Variants in MRPL12 observed in about 807,000 individuals in gnomAD.
The protein encoded by MRPL12 is mitochondrial ribosomal protein L12, also known as large ribosomal subunit protein bL12m.
In MRPL12, 13 loss-of-function variants were observed where a neutral mutation model predicts 21.1. That is an observed-to-expected ratio of 0.62 (90% CI 0.40 to 0.98). The LOEUF (loss-of-function observed/expected upper bound fraction) is 0.98. MRPL12 is among the 50% of genes least tolerant of loss of function. MRPL12 has a pLI of 0.00. For synonymous variants in MRPL12, 126 were observed against 115.3 expected (o/e 1.09, Z -0.60); for missense variants, 251 against 268.6 (o/e 0.93, Z 0.46).
At chr17:81,706,790 C>G in intron 3 of MRPL12, 116 bp from the exon 4 acceptor site, 2 of 1,287,342 alleles carry the variant, frequency 1.6e-6, no homozygotes, top group South Asian at 3.0e-5. Flanking sequence ...CCAGGCTTCG[C>G]TGGGGCCTCC....
In MRPL12 at chr17:81,703,411, T is replaced by G; in HGVS notation, c.-91T>G. On this transcript the variant is annotated 5_prime_UTR_variant, in exon 1 of 5. Coordinates refer to ENST00000333676, the MANE Select transcript of MRPL12 (RefSeq NM_002949.4). ...CCCGGCAGCCGTGGCGGCTAGAGCG[T>G]TCCTCCCCAGCTCGAATGCCCGGCG... 1 of 1,135,500 alleles carries G rather than the reference T, an allele frequency of 8.8e-7. No individual in the cohort carries two copies. The highest frequency in any genetic ancestry group is 1.2e-6 in the Non-Finnish European group (1 of 833,952). The allele number at this position is 1,135,500 out of a possible 1,614,324, so 70.3% of individuals were successfully genotyped here.
chr17:81,704,888 C>T (rs2037298313), intron 3 of MRPL12, among the ~76,000 whole-genome samples, 172 bp downstream of exon 3: 1 of 152,230 alleles, frequency 6.6e-6, no homozygotes, highest in African/African-American at 2.4e-5. Flanking sequence ...ATGTGCACGA[C>T]TTTGCATGTG....
At chr17:81,704,604 G>T (rs1010079546) in intron 2 of MRPL12, 29 bp from the exon 3 acceptor site, 1 of 1,612,414 alleles carries the variant, frequency 6.2e-7, no homozygotes, top group African/African-American at 1.3e-5. Flanking sequence ...GTGAGGGCCA[G>T]CTGTGGACAC....
Position 81,704,269 on chromosome 17 carries a change from G to T in MRPL12, c.100G>T (p.Val34Leu), listed in dbSNP as rs752819177. 6.2e-7 allele frequency: 1 copy of T among 1,611,762 alleles called. No individual in the cohort carries two copies. Among genetic ancestry groups the T allele is most frequent in the South Asian group, 1.1e-5 (1 of 90,940 alleles). ...ARRQVPCVCA[V>L]RHMRSSGHQR... ...GCGACAGGTGCCATGTGTCTGTGCC[G>T]TGCGACATATGAGGAGCAGCGGCCA... The change falls in exon 2 of 5, where the codon GTG becomes TTG. Residue 34 changes from valine (V) to leucine (L), a missense_variant. Transcript: ENST00000333676.
intron 1 of MRPL12, 130 bp downstream of exon 1, chr17:81,703,705 C>A: frequency 3.3e-6 from 3 of 896,202 alleles, no homozygotes; most frequent in South Asian, 6.2e-5. Flanking sequence ...GCTTGGGGGT[C>A]CCATCGGGGG....
intron 1 of MRPL12, 63 bp from the exon 2 acceptor site, chr17:81,704,181 G>A: frequency 6.6e-7 from 1 of 1,519,526 alleles, no homozygotes; most frequent in South Asian, 1.3e-5. Flanking sequence ...CTGCCCCTCT[G>A]GTTTCTGCAG....
chr17:81,704,650 G>A lies in MRPL12; in HGVS notation c.279G>A (p.Gln93=). The A allele has an allele frequency of 6.2e-7, 1 of 1,613,958 alleles. No individual in the cohort carries two copies. The highest frequency in any genetic ancestry group is 8.5e-7 in the Non-Finnish European group (1 of 1,180,010). ...CTCTGCAGAAAACGTTGAAGATCCA[G>A]GATGTCGGGCTTGTGCCGATGGGTG... The part of the protein sequence containing the change: ...NELLKKTLKI[Q]DVGLVPMGGV... The change falls in exon 3 of 5, where the codon CAG becomes CAA. Residue 93 remains glutamine, a synonymous_variant. Transcript: ENST00000333676.
Position 81,707,027 on chromosome 17 carries a change from T to C in MRPL12, c.467T>C (p.Ile156Thr). The C allele has an allele frequency of 6.2e-7, 1 of 1,614,090 alleles. No homozygotes were observed. Among genetic ancestry groups the C allele is most frequent in the South Asian group, 1.1e-5 (1 of 91,090 alleles). The change falls in exon 4 of 5, where the codon ATC (isoleucine) becomes ACC (threonine). Residue 156 changes from isoleucine to threonine, a missense_variant. Ile to Thr is a moderately conservative substitution (Grantham distance 89, BLOSUM62 -1). Transcript: ENST00000333676. ...GAAATCAAGAACTACATCCAAGGCA[T>C]CAACCTCGTCCAGGTCTGTGCCGCG... is the stretch of plus-strand genomic sequence containing the variant. ...IKEIKNYIQG[I>T]NLVQAKKLVE...
In MRPL12 at chr17:81,704,600, G is replaced by A. The variant is rs571761302; in HGVS notation, c.262-33G>A. 6.1e-4 allele frequency: 979 copies of A among 1,611,180 alleles called. 15 individuals carry two copies. The South Asian group carries it at 1.0e-2, about 16-fold the overall frequency. On this transcript the variant is annotated intron_variant, in intron 2 of 4. Transcript: ENST00000333676. ...TCAGTAGGTTCCGGCTGGTGTGAGG[G>A]CCAGCTGTGGACACTGTTCTCTATC...
In MRPL12 at chr17:81,704,387, G is replaced by C; in HGVS notation, c.218G>C (p.Ser73Thr). 1.9e-6 allele frequency: 3 copies of C among 1,613,586 alleles called. No homozygotes were observed. The highest frequency in any genetic ancestry group is 2.5e-6 in the Non-Finnish European group (3 of 1,179,904). Residue 73 changes from serine (S) to threonine (T), a missense_variant, in exon 2 of 5, where the codon AGC (serine) becomes ACC (threonine). Ser to Thr is a moderately conservative substitution (Grantham distance 58). Transcript: ENST00000333676. ...KIQQLVQDIA[S>T]LTLLEISDLN... The stretch of plus-strand genomic sequence containing the variant: ...CAGCAGCTGGTCCAGGACATCGCCA[G>C]CCTCACTCTCTTGGAAATCTCAGAC...
At position 81,703,380 on chromosome 17, in the gene MRPL12, C is replaced by T. The variant is rs1331658019; in HGVS notation, c.-122C>T. 5.1e-6 allele frequency: 4 copies of T among 786,360 alleles called. No homozygotes were observed. The highest frequency in any genetic ancestry group is 7.5e-6 in the Non-Finnish European group (4 of 531,062). The allele number at this position is 786,360 out of a possible 1,614,324, so 48.7% of individuals were successfully genotyped here. A position where few individuals can be genotyped will look rare whatever the true frequency, so the allele number is the denominator to read the frequency against. ...TACGGCTAGAGCGTCATTTCCGGCT[C>T]GAATGCCCGGCAGCCGTGGCGGCTA... On this transcript the variant is annotated 5_prime_UTR_variant, in exon 1 of 5. Coordinates refer to ENST00000333676, the MANE Select transcript of MRPL12 (RefSeq NM_002949.4).
In MRPL12 at chr17:81,707,167, A is replaced by G. The variant is rs767318617; in HGVS notation, c.524A>G (p.Asn175Ser). The G allele has an allele frequency of 8.1e-6, 13 of 1,613,920 alleles. No homozygotes were observed. The highest frequency in any genetic ancestry group is 5.0e-5 in the Admixed American group (3 of 59,998). ...TCCCTGCCCCAGGAAATCAAAGCCA[A>G]TGTCGCCAAAGCTGAGGCGGAGAAG... ...VESLPQEIKA[N>S]VAKAEAEKIK... The change falls in exon 5 of 5, where the codon AAT becomes AGT. Residue 175 changes from asparagine to serine, a missense_variant. Transcript: ENST00000333676.
chr17:81,705,710 G>A (rs113276268), intron 3 of MRPL12, among the ~76,000 whole-genome samples: 2,702 of 152,320 alleles, frequency 0.018, 28 homozygotes, highest in Non-Finnish European at 0.024. Context: ...CAGTGAACTT[G>A]AAGCCGCCAG....
chr17:81,703,376 G>C lies in MRPL12; in HGVS notation c.-126G>C, dbSNP rs1286231299. On this transcript the variant is annotated 5_prime_UTR_variant, in exon 1 of 5. Coordinates refer to ENST00000333676, the MANE Select transcript of MRPL12 (RefSeq NM_002949.4). ...GAGGTACGGCTAGAGCGTCATTTCCGGCTCGAATGCCCGGCAGCCGTGGCG... is the reference window on the plus strand; with the variant it reads ...GAGGTACGGCTAGAGCGTCATTTCCCGCTCGAATGCCCGGCAGCCGTGGCG... The C allele has an allele frequency of 2.7e-6, 2 of 748,300 alleles. No individual in the cohort carries two copies. Among genetic ancestry groups the C allele is most frequent in the Non-Finnish European group, 4.0e-6 (2 of 496,374 alleles). 46.4% of individuals were successfully genotyped at this position (748,300 alleles called of 1,614,324 possible).
rs1390078218 is a variant in MRPL12 at position 81,704,725 on chromosome 17, T to A, written c.345+9T>A. The A allele has an allele frequency of 1.9e-6, 3 of 1,607,654 alleles. No individual in the cohort carries two copies. On this transcript the variant is annotated intron_variant, in intron 3 of 4. Coordinates refer to ENST00000333676, the MANE Select transcript of MRPL12 (RefSeq NM_002949.4). Reference sequence around the variant, plus strand: ...CTGCAGCAGCCCAGGAGGTGAGTCCTGGGCAGAATGAGGCATTTCTGGGGT... The same window carrying A: ...CTGCAGCAGCCCAGGAGGTGAGTCCAGGGCAGAATGAGGCATTTCTGGGGT...
rs374481464 is a variant in MRPL12 at position 81,704,456 on chromosome 17, C to T, written c.261+26C>T. 22 of 1,603,386 alleles carry T rather than the reference C, an allele frequency of 1.4e-5. No individual in the cohort carries two copies. The African/African-American group carries it at 3.0e-4, about 22-fold the overall frequency. On this transcript the variant is annotated intron_variant, in intron 2 of 4. Coordinates refer to ENST00000333676, the MANE Select transcript of MRPL12 (RefSeq NM_002949.4). ...GTATCGTGAGAGGGTGGCACAGACC[C>T]AGGGGCTGGAAGTTTCAGGGCCCCT... is the stretch of plus-strand genomic sequence containing the variant.
Position 81,707,238 on chromosome 17 carries a change from T to G in MRPL12, c.595T>G (p.Ter199GluextTer85). The part of the protein sequence containing the change: ...EAVGGTVVLE[*>E] ...GGTGGGCGGCACCGTGGTTCTGGAG[T>G]AGCCTCCAGCTCGGAGGACTTGTGT... is the stretch of plus-strand genomic sequence containing the variant. Residue 199 changes from the stop codon to glutamate (E), a stop_lost, in exon 5 of 5, where the codon TAG becomes GAG. Coordinates refer to ENST00000333676, the MANE Select transcript of MRPL12 (RefSeq NM_002949.4). The G allele has an allele frequency of 6.3e-7, 1 of 1,587,442 alleles. No individual in the cohort carries two copies. Among genetic ancestry groups the G allele is most frequent in the Non-Finnish European group, 8.6e-7 (1 of 1,165,616 alleles).
intron 2 of MRPL12, 79 bp downstream of exon 2, chr17:81,704,509 G>A: frequency 6.3e-7 from 1 of 1,583,908 alleles, no homozygotes; most frequent in East Asian, 2.2e-5. Context: ...TATTTTGGGA[G>A]TTTGGTAAAT....
At chr17:81,705,507 A>G (rs1192847891) in intron 3 of MRPL12, among the ~76,000 whole-genome samples, 1 of 152,158 alleles carries the variant, frequency 6.6e-6, no homozygotes, top group Non-Finnish European at 1.5e-5. Flanking sequence ...GAGAGTTCCA[A>G]GTTCAAGGTG....
Sources: allele counts gnomAD v4.1 joint callset (sites outside exome capture counted in the v4.1 genomes callset), GRCh38; gene constraint gnomAD v4.1.1; transcripts MANE v1.5; gene names NCBI Gene and HGNC (gene_info 2026-07-23, HGNC 2026-07-21).